Variants in PTPRZ1 observed in about 807,000 individuals in gnomAD.
PTPRZ1 encodes protein tyrosine phosphatase receptor type Z1, also known as receptor-type tyrosine-protein phosphatase zeta.
PTPRZ1 carries 82 observed loss-of-function variants against 214.1 expected under a neutral mutation model. The ratio of observed to expected loss-of-function variants is 0.38; its 90% CI spans 0.32 to 0.46. PTPRZ1 has a LOEUF of 0.46. Ranked by LOEUF, PTPRZ1 falls within the 20% of genes least tolerant of loss-of-function variation. The pLI is 1.00. For missense variants in PTPRZ1, 2,603 were observed against 2,748.7 expected, an observed-to-expected ratio of 0.95 and a Z score of 1.19; for synonymous variants, 945 against 987.9, an observed-to-expected ratio of 0.96 and a Z score of 0.81.
At chr7:121,898,852 G>A (rs1485790499) in intron 1 of PTPRZ1, among the ~76,000 whole-genome samples, 1 of 152,122 alleles carries the variant, frequency 6.6e-6, no homozygotes, top group Non-Finnish European at 1.5e-5. Context: ...GGGGAAAAAA[G>A]CTAGAACAGA....
At chr7:121,993,506 C>T (rs911480064) in intron 8 of PTPRZ1, among the ~76,000 whole-genome samples, 3 of 133,784 alleles carry the variant, frequency 2.2e-5, no homozygotes, top group South Asian at 5.2e-4. Context: ...ACCCAGGAGG[C>T]GGAGTTTGCA....
In PTPRZ1 at chr7:122,059,874, G is replaced by A. The variant is rs769053570; in HGVS notation, c.6793G>A (p.Val2265Ile). Residue 2265 changes from valine (V) to isoleucine (I), a missense_variant, in exon 29 of 30, where the codon GTC becomes ATC. By Grantham distance (29) the Val-to-Ile change is conservative. Coordinates refer to ENST00000393386, the MANE Select transcript of PTPRZ1 (RefSeq NM_002851.3). ...AKMINLMRPG[V>I]FADIEQYQFL... ...GATGATCAATCTGATGAGGCCAGGA[G>A]TCTTTGCTGACATTGTAAGTAACAA... 1.4e-4 allele frequency: 220 copies of A among 1,610,232 alleles called. No homozygotes were observed. Among genetic ancestry groups the A allele is most frequent in the Middle Eastern group, 3.3e-4 (2 of 6,052 alleles).
intron 1 of PTPRZ1, among the ~76,000 whole-genome samples, chr7:121,893,081 G>A (rs987603855): frequency 2.0e-5 from 3 of 152,018 alleles, no homozygotes; most frequent in Non-Finnish European, 4.4e-5. Context: ...AGGAAGGAGG[G>A]AGGGGGAGAG....
chr7:121,928,287 T>C, intron 2 of PTPRZ1, 66 bp downstream of exon 2: 15 of 1,249,088 alleles, frequency 1.2e-5, no homozygotes, highest in Non-Finnish European at 1.6e-5. Flanking sequence ...TATTTTTATA[T>C]ATAAAAGGAA....
chr7:121,914,816 C>A (rs1795371947), intron 1 of PTPRZ1, among the ~76,000 whole-genome samples: 1 of 152,122 alleles, frequency 6.6e-6, no homozygotes, highest in Non-Finnish European at 1.5e-5. Flanking sequence ...CTCCTAACTA[C>A]AGAACTGAAC....
chr7:121,889,158 T>C (rs1019157678), intron 1 of PTPRZ1, among the ~76,000 whole-genome samples: 1 of 152,154 alleles, frequency 6.6e-6, no homozygotes, highest in Non-Finnish European at 1.5e-5. Flanking sequence ...GAGTCAAACA[T>C]TTCAGTATGA....
chr7:121,985,618 AT>A lies in PTPRZ1; in HGVS notation c.928+1504del, dbSNP rs1797743320. Among the ~76,000 whole-genome samples the A allele has an allele frequency of 2.0e-5, 3 of 152,258 alleles. No homozygotes were observed. The South Asian group carries it at 6.2e-4, about 32-fold the overall frequency. Reference sequence around the variant, plus strand: ...TGGCATATTCCTCTCCACTGTCTTCATTTCCCTGCCTCCTCATTCTTCAAGA... The same window carrying A: ...TGGCATATTCCTCTCCACTGTCTTCATTCCCTGCCTCCTCATTCTTCAAGA... On this transcript the variant is annotated intron_variant, in intron 8 of 29. Coordinates refer to ENST00000393386, the MANE Select transcript of PTPRZ1 (RefSeq NM_002851.3).
At chr7:121,958,060 T>TA (rs1311719487) in intron 2 of PTPRZ1, among the ~76,000 whole-genome samples, 1 of 152,154 alleles carries the variant, frequency 6.6e-6, no homozygotes, top group Admixed American at 6.5e-5. Flanking sequence ...CCCTCTGTCT[T>TA]AAAAAAATCC....
chr7:122,039,717 G>T (rs1799657984), intron 20 of PTPRZ1, 129 bp downstream of exon 20: 1 of 1,175,416 alleles, frequency 8.5e-7, no homozygotes, highest in Non-Finnish European at 1.2e-6. Flanking sequence ...CTTGTAACCA[G>T]GCCAGGTGCA....
chr7:121,923,015 A>G (rs1366838930), intron 1 of PTPRZ1, among the ~76,000 whole-genome samples: 5 of 152,196 alleles, frequency 3.3e-5, no homozygotes, highest in Non-Finnish European at 7.3e-5. Context: ...GAGTAGGATG[A>G]AAGTTAAAAG....
intron 6 of PTPRZ1, among the ~76,000 whole-genome samples, chr7:121,978,286 G>A (rs1240364603): frequency 1.3e-5 from 2 of 152,066 alleles, no homozygotes; most frequent in African/African-American, 2.4e-5. Context: ...AGCTGAGGAC[G>A]GATTCTAGTC....
In PTPRZ1 at chr7:122,018,781, C is replaced by T. The variant is rs1798923018; in HGVS notation, c.4844-343C>T. ...AGTAAGTAGCGCTGTTTTTCCTGAC[C>T]ATTCTATTTTAAATCAGTAGTGATT... On this transcript the variant is annotated intron_variant, in intron 12 of 29. Coordinates refer to ENST00000393386, the MANE Select transcript of PTPRZ1 (RefSeq NM_002851.3). Among the ~76,000 whole-genome samples, 4 of 151,768 alleles carry T rather than the reference C, an allele frequency of 2.6e-5. No homozygotes were observed. The Middle Eastern group carries it at 0.01, about 390-fold the overall frequency.
chr7:121,894,752 A>T (rs1794737574), intron 1 of PTPRZ1, among the ~76,000 whole-genome samples: 1 of 152,092 alleles, frequency 6.6e-6, no homozygotes, highest in East Asian at 1.9e-4. Context: ...TTGCTTATAG[A>T]TTATTAGAAT....
chr7:121,911,591 T>A (rs1227379557), intron 1 of PTPRZ1, among the ~76,000 whole-genome samples: 2 of 152,094 alleles, frequency 1.3e-5, no homozygotes, highest in African/African-American at 4.8e-5. Flanking sequence ...TGTCTCTGAT[T>A]CTTAACTTCT....
intron 1 of PTPRZ1, among the ~76,000 whole-genome samples, chr7:121,912,761 G>T (rs554019192): frequency 6.6e-6 from 1 of 152,162 alleles, no homozygotes; most frequent in South Asian, 2.1e-4. Flanking sequence ...GATGAAAATA[G>T]AACTTAGTTA....
Position 122,052,363 on chromosome 7 carries a change from AGG to A in PTPRZ1, c.6252+425_6252+426del, listed in dbSNP as rs1421536395. Among the ~76,000 whole-genome samples, 3 of 152,172 alleles carry A rather than the reference AGG, an allele frequency of 2.0e-5. No homozygotes were observed. In the East Asian group the frequency reaches 5.8e-4, roughly 29 times the overall value. On this transcript the variant is annotated intron_variant, in intron 25 of 29. Coordinates refer to ENST00000393386, the MANE Select transcript of PTPRZ1 (RefSeq NM_002851.3). ...TTAGCCTGCAAACTGGGCTCATTTT[AGG>A]ACCTGGATTTCTAAAGATACAATGC...
intron 1 of PTPRZ1, among the ~76,000 whole-genome samples, chr7:121,926,742 C>A (rs953872654): frequency 2.6e-5 from 4 of 151,912 alleles, no homozygotes; most frequent in Admixed American, 2.0e-4. Context: ...TACAAAACTT[C>A]GTAAATATTC....
At chr7:121,995,217 A>G (rs1053705900) in intron 8 of PTPRZ1, among the ~76,000 whole-genome samples, 1 of 152,328 alleles carries the variant, frequency 6.6e-6, no homozygotes, top group South Asian at 2.1e-4. Context: ...AATCGGCGGC[A>G]GTTGTTAACA....
At chr7:122,015,714 A>T (rs1435230470) in intron 12 of PTPRZ1, among the ~76,000 whole-genome samples, 2 of 152,214 alleles carry the variant, frequency 1.3e-5, no homozygotes, top group Non-Finnish European at 2.9e-5. Context: ...GATATATATA[A>T]TGAGATGCTA....
Sources: gnomAD v4.1 joint callset for allele counts (sites outside exome capture counted in the v4.1 genomes callset) on GRCh38, gnomAD v4.1.1 for gene constraint, MANE v1.5 for transcripts, NCBI Gene and HGNC (gene_info 2026-07-23, HGNC 2026-07-21) for gene names.